The following IMMP2L variants were observed in gnomAD, a reference collection of about 807,000 sequenced individuals.
IMMP2L encodes the protein mitochondrial inner membrane protease subunit 2.
A neutral mutation model predicts 19.3 loss-of-function variants in IMMP2L; 18 were observed. That is an observed-to-expected ratio of 0.93 (90% confidence interval 0.64 to 1.38). The LOEUF is 1.38. IMMP2L is among the 40% of genes most tolerant of loss of function. IMMP2L has a pLI of 0.00. For synonymous variants in IMMP2L, 76 were observed against 73.0 expected (o/e 1.04, Z -0.21); for missense variants, 233 against 218.2 (o/e 1.07, Z -0.43).
At chr7:110,989,314 A>T (rs1332751640) in intron 3 of IMMP2L, among the ~76,000 whole-genome samples, 1 of 151,972 alleles carries the variant, frequency 6.6e-6, no homozygotes, top group Non-Finnish European at 1.5e-5. Flanking sequence ...AAGTGGGAGG[A>T]TCCCTTAAGC....
At chr7:111,404,154 T>A (rs1319057289) in intron 3 of IMMP2L, among the ~76,000 whole-genome samples, 1 of 152,142 alleles carries the variant, frequency 6.6e-6, no homozygotes, top group East Asian at 1.9e-4. Context: ...ATCCATTTTT[T>A]ATATATTTTG....
intron 1 of IMMP2L, among the ~76,000 whole-genome samples, chr7:111,547,722 ATTTT>A (rs58711480): frequency 1.1e-4 from 15 of 138,108 alleles, no homozygotes; most frequent in African/African-American, 3.7e-4. Context: ...CACCAGTCTA[ATTTT>A]TTTTTTTTTT....
rs190957707 is a variant in IMMP2L at position 111,061,329 on chromosome 7, C to T, written c.240-97764G>A. On this transcript the variant is annotated intron_variant, in intron 3 of 5. Transcript: ENST00000405709. Reference sequence around the variant, plus strand: ...ATCAATGAAGCAGGAAAGACTAGGACCAAACCACAGAGGGCCTTGACTGAC... The same window carrying T: ...ATCAATGAAGCAGGAAAGACTAGGATCAAACCACAGAGGGCCTTGACTGAC... Among the ~76,000 whole-genome samples, 490 of 152,260 alleles carry T rather than the reference C, an allele frequency of 3.2e-3. 2 individuals carry two copies. Among genetic ancestry groups the T allele is most frequent in the Middle Eastern group, 0.01 (3 of 294 alleles).
chr7:111,350,936 T>C (rs555687344), intron 3 of IMMP2L, among the ~76,000 whole-genome samples: 1 of 152,296 alleles, frequency 6.6e-6, no homozygotes, highest in African/African-American at 2.4e-5. Context: ...TTTTCAATCA[T>C]TGCATTTAGT....
intron 5 of IMMP2L, among the ~76,000 whole-genome samples, chr7:110,857,215 C>G (rs1444409361): frequency 6.6e-6 from 1 of 152,106 alleles, no homozygotes; most frequent in Non-Finnish European, 1.5e-5. Context: ...GGAGCAAACT[C>G]AAAATTCTTT....
chr7:111,368,049 C>T (rs976934161), intron 3 of IMMP2L, among the ~76,000 whole-genome samples: 8 of 150,188 alleles, frequency 5.3e-5, no homozygotes, highest in African/African-American at 2.0e-4. Context: ...GATAGAAAAA[C>T]TTTTAAAATA....
At chr7:110,729,058 CATTT>C (rs140151017) in intron 5 of IMMP2L, among the ~76,000 whole-genome samples, 54,470 of 151,496 alleles carry the variant, frequency 0.36, 11,389 homozygotes, top group East Asian at 0.63. Flanking sequence ...CTAATTTTTG[CATTT>C]TTAGTATAGA....
At chr7:111,068,129 G>T (rs1256912354) in intron 3 of IMMP2L, among the ~76,000 whole-genome samples, 1 of 152,074 alleles carries the variant, frequency 6.6e-6, no homozygotes, top group African/African-American at 2.4e-5. Flanking sequence ...ATGTATATGT[G>T]TATCAGCAAA....
intron 4 of IMMP2L, among the ~76,000 whole-genome samples, chr7:110,936,486 A>G (rs2129552400): frequency 6.6e-6 from 1 of 152,376 alleles, no homozygotes; most frequent in South Asian, 2.1e-4. Context: ...AATGCAAATC[A>G]AAACTGCAAT....
chr7:111,189,890 T>C (rs1808687899), intron 3 of IMMP2L, among the ~76,000 whole-genome samples: 1 of 152,124 alleles, frequency 6.6e-6, no homozygotes, highest in African/African-American at 2.4e-5. Flanking sequence ...ACTGCTCTCA[T>C]AAATTAGCCT....
intron 3 of IMMP2L, among the ~76,000 whole-genome samples, chr7:111,268,539 G>GTAGAGATA (rs1818073018): frequency 7.2e-6 from 1 of 138,632 alleles, no homozygotes; most frequent in South Asian, 2.3e-4. Context: ...CATTCCCAGG[G>GTAGAGATA]TAGAGATATG....
intron 3 of IMMP2L, among the ~76,000 whole-genome samples, chr7:111,397,379 T>C (rs1252262963): frequency 3.3e-5 from 5 of 152,172 alleles, no homozygotes; most frequent in Non-Finnish European, 7.4e-5. Flanking sequence ...CCCACCACTA[T>C]TGGACAGTTA....
chr7:110,858,722 T>G (rs1807063047), intron 5 of IMMP2L, among the ~76,000 whole-genome samples: 1 of 152,022 alleles, frequency 6.6e-6, no homozygotes, highest in South Asian at 2.1e-4. Context: ...CATTTAGCAT[T>G]AGGTATATCT....
chr7:110,809,881 C>T (rs1444602026), intron 5 of IMMP2L, among the ~76,000 whole-genome samples: 2 of 152,006 alleles, frequency 1.3e-5, no homozygotes, highest in African/African-American at 4.8e-5. Context: ...AAAATTACTC[C>T]TCTTTGCCAC....
chr7:110,883,240 A>G (rs1182923667), intron 5 of IMMP2L, among the ~76,000 whole-genome samples: 2 of 152,172 alleles, frequency 1.3e-5, no homozygotes, highest in African/African-American at 4.8e-5. Flanking sequence ...TTCAAAAGGA[A>G]TTCCATGGAA....
At chr7:111,415,208 A>C (rs2131552902) in intron 3 of IMMP2L, among the ~76,000 whole-genome samples, 1 of 151,818 alleles carries the variant, frequency 6.6e-6, no homozygotes, top group South Asian at 2.1e-4. Context: ...ACAGGAGGGG[A>C]CCTCTAGAGA....
At chr7:111,359,291 C>T (rs1411509066) in intron 3 of IMMP2L, among the ~76,000 whole-genome samples, 1 of 151,752 alleles carries the variant, frequency 6.6e-6, no homozygotes, top group Non-Finnish European at 1.5e-5. Flanking sequence ...CCTAATTCTC[C>T]AGGTTTTTGT....
intron 5 of IMMP2L, among the ~76,000 whole-genome samples, chr7:110,813,954 T>G (rs1306876100): frequency 6.6e-6 from 1 of 152,056 alleles, no homozygotes; most frequent in Non-Finnish European, 1.5e-5. Flanking sequence ...ACTAATTTCC[T>G]GGACAGAAAC....
rs1201865052 is a variant in IMMP2L, at chr7:111,471,592, A to G, written c.239+15646T>C. Among the ~76,000 whole-genome samples the G allele has an allele frequency of 2.6e-5, 4 of 152,260 alleles. No homozygotes were observed. In the East Asian group the frequency reaches 5.8e-4, roughly 22 times the overall value. On this transcript the variant is annotated intron_variant, in intron 3 of 5. Transcript: ENST00000405709. ...TCTCATTAATATTTTAATATTAATT[A>G]CATGTGGAAATATTTTAGATCTATT...
Sources: gnomAD v4.1 joint callset for allele counts (sites outside exome capture counted in the v4.1 genomes callset) on GRCh38, gnomAD v4.1.1 for gene constraint, MANE v1.5 for transcripts, NCBI Gene and HGNC (gene_info 2026-07-23, HGNC 2026-07-21) for gene names.